The following GRID2 variants were observed in gnomAD, a reference collection of about 807,000 sequenced individuals.
GRID2 encodes the protein glutamate receptor ionotropic, delta-2.
In GRID2, 33 loss-of-function variants were observed where a neutral mutation model predicts 114.8. The observed-to-expected ratio is 0.29, with a 90% confidence interval of 0.22 to 0.38. GRID2 has a LOEUF of 0.38. Among genes scored for constraint, GRID2 ranks in the 10% least tolerant of loss-of-function variants. GRID2 has a pLI of 1.00. For synonymous variants in GRID2, 505 were observed against 449.9 expected (o/e 1.12, Z -1.55); for missense variants, 1,184 against 1,257.7 (o/e 0.94, Z 0.89).
In GRID2 at chr4:92,669,938, A is replaced by G. The variant is rs553977566; in HGVS notation, c.244+79652A>G. ...AAGAGAACTTCCAGATATATTCTGT[A>G]CTGTAGGTAATTGAGCTATTCCTCA... On this transcript the variant is annotated intron_variant, in intron 2 of 15. Coordinates refer to ENST00000282020, the MANE Select transcript of GRID2 (RefSeq NM_001510.4). 5.9e-5 allele frequency among the ~76,000 whole-genome samples: 9 copies of G among 152,160 alleles called. No individual in the cohort carries two copies. The South Asian group carries it at 1.9e-3, about 32-fold the overall frequency.
intron 1 of GRID2, among the ~76,000 whole-genome samples, chr4:92,520,822 T>G (rs930573268): frequency 6.6e-6 from 1 of 151,890 alleles, no homozygotes; most frequent in South Asian, 2.1e-4. Flanking sequence ...TCAATCAACA[T>G]AGAAGCATTC....
At chr4:92,884,043 A>AGGCT (rs1290910310) in intron 2 of GRID2, among the ~76,000 whole-genome samples, 2 of 151,710 alleles carry the variant, frequency 1.3e-5, no homozygotes, top group East Asian at 3.9e-4. Flanking sequence ...GTCCAGTATA[A>AGGCT]GGCTGTTATA....
At chr4:92,416,497 G>C (rs752023734) in intron 1 of GRID2, among the ~76,000 whole-genome samples, 1 of 152,092 alleles carries the variant, frequency 6.6e-6, no homozygotes, top group Non-Finnish European at 1.5e-5. Context: ...GTCTAGAAGA[G>C]CTTTTCTGAT....
At position 92,510,435 on chromosome 4, in the gene GRID2, T is replaced by C. The variant is rs192470205; in HGVS notation, c.89-79696T>C. The stretch of plus-strand genomic sequence containing the variant: ...GAAATACACATTGCAGGCTAAGAAG[T>C]GTCCAGGCTAGAGGTATGAATTTAG... On this transcript the variant is annotated intron_variant, in intron 1 of 15. Coordinates refer to ENST00000282020, the MANE Select transcript of GRID2 (RefSeq NM_001510.4). Among the ~76,000 whole-genome samples the C allele has an allele frequency of 2.4e-3, 363 of 151,870 alleles. 2 individuals are homozygous for C. The highest frequency in any genetic ancestry group is 8.5e-3 in the African/African-American group (351 of 41,484).
intron 2 of GRID2, among the ~76,000 whole-genome samples, chr4:92,660,079 A>G (rs965221474): frequency 2.0e-5 from 3 of 151,406 alleles, no homozygotes; most frequent in Non-Finnish European, 4.4e-5. Flanking sequence ...CGAAAATATC[A>G]TTCTTCCCCC....
intron 2 of GRID2, among the ~76,000 whole-genome samples, chr4:92,632,257 G>A (rs916468633): frequency 1.3e-5 from 2 of 152,042 alleles, no homozygotes; most frequent in East Asian, 3.9e-4. Flanking sequence ...TTCTTTAAAA[G>A]GGCATCAGTT....
chr4:92,815,560 T>A (rs1740851531), intron 2 of GRID2, among the ~76,000 whole-genome samples: 1 of 152,078 alleles, frequency 6.6e-6, no homozygotes, highest in Non-Finnish European at 1.5e-5. Flanking sequence ...TTGAATGTTA[T>A]AAAATATTGT....
At chr4:92,311,172 T>C (rs1032018837) in intron 1 of GRID2, among the ~76,000 whole-genome samples, 6 of 152,074 alleles carry the variant, frequency 3.9e-5, no homozygotes, top group African/African-American at 1.4e-4. Context: ...GTATCAACTA[T>C]CATTGTGTAT....
At chr4:93,690,344 C>T (rs1487747699) in intron 14 of GRID2, among the ~76,000 whole-genome samples, 1 of 151,938 alleles carries the variant, frequency 6.6e-6, no homozygotes, top group Non-Finnish European at 1.5e-5. Flanking sequence ...CTGTCACTCT[C>T]TACTGCATGT....
intron 2 of GRID2, among the ~76,000 whole-genome samples, chr4:92,828,519 T>A (rs1306512356): frequency 2.0e-5 from 3 of 152,224 alleles, no homozygotes; most frequent in South Asian, 4.1e-4. Context: ...TTTGTCAGAA[T>A]CATTCTTTGG....
At chr4:93,452,359 G>A (rs1722771654) in intron 10 of GRID2, among the ~76,000 whole-genome samples, 1 of 152,056 alleles carries the variant, frequency 6.6e-6, no homozygotes, top group South Asian at 2.1e-4. Flanking sequence ...GGGAAAAAGA[G>A]TTTTCTCAGA....
chr4:93,439,853 G>T (rs1041578136), intron 10 of GRID2, among the ~76,000 whole-genome samples: 3 of 152,012 alleles, frequency 2.0e-5, no homozygotes, highest in African/African-American at 7.2e-5. Flanking sequence ...GAAGGATCAG[G>T]CATTCTTCCC....
intron 15 of GRID2, among the ~76,000 whole-genome samples, chr4:93,771,074 T>C (rs1011898565): frequency 6.6e-6 from 1 of 152,078 alleles, no homozygotes; most frequent in African/African-American, 2.4e-5. Flanking sequence ...TATGAAAAAA[T>C]ATTTTCTCCT....
intron 8 of GRID2, among the ~76,000 whole-genome samples, chr4:93,245,314 T>G (rs1475732967): frequency 6.6e-6 from 1 of 152,162 alleles, no homozygotes; most frequent in Non-Finnish European, 1.5e-5. Flanking sequence ...CTTGTTTTTC[T>G]TCTATTTACA....
At chr4:93,328,410 T>C (rs1579695358) in intron 8 of GRID2, among the ~76,000 whole-genome samples, 1 of 152,266 alleles carries the variant, frequency 6.6e-6, no homozygotes, top group Non-Finnish European at 1.5e-5. Context: ...CCCCAGTTCT[T>C]TGATTTTCCC....
At chr4:93,333,195 G>C (rs1758685121) in intron 8 of GRID2, among the ~76,000 whole-genome samples, 1 of 151,946 alleles carries the variant, frequency 6.6e-6, no homozygotes, top group South Asian at 2.1e-4. Context: ...ACTCATTCTA[G>C]AGTAGCACTT....
At chr4:93,069,467 T>C (rs987414224) in intron 2 of GRID2, among the ~76,000 whole-genome samples, 1 of 151,988 alleles carries the variant, frequency 6.6e-6, no homozygotes, top group Non-Finnish European at 1.5e-5. Flanking sequence ...CTGCTATCAC[T>C]GTAAGCTTAC....
chr4:92,821,443 G>C (rs1330239797), intron 2 of GRID2, among the ~76,000 whole-genome samples: 1 of 152,000 alleles, frequency 6.6e-6, no homozygotes. Context: ...ATTTGTTACA[G>C]TATTTTTGTA....
At chr4:92,681,009 T>C in intron 2 of GRID2, among the ~76,000 whole-genome samples, 1 of 152,134 alleles carries the variant, frequency 6.6e-6, no homozygotes, top group East Asian at 1.9e-4. Flanking sequence ...GAAATACCTA[T>C]ATTTAAAGAA....
Sources: gnomAD v4.1 joint callset for allele counts (sites outside exome capture counted in the v4.1 genomes callset) on GRCh38, gnomAD v4.1.1 for gene constraint, MANE v1.5 for transcripts, NCBI Gene and HGNC (gene_info 2026-07-23, HGNC 2026-07-21) for gene names.